FILIP1: variants seen among roughly 807,000 people sequenced by gnomAD.
FILIP1 encodes filamin-A-interacting protein 1.
FILIP1 carries 61 observed loss-of-function variants against 102.1 expected under a neutral mutation model. That is an observed-to-expected ratio of 0.60 (90% CI 0.49 to 0.74). The LOEUF is 0.74. FILIP1 is among the 30% of genes least tolerant of loss of function. The pLI is 0.00. For synonymous variants in FILIP1, 491 were observed against 526.9 expected (o/e 0.93, Z 0.93); for missense variants, 1,314 against 1,441.2 (o/e 0.91, Z 1.43).
intron 1 of FILIP1, among the ~76,000 whole-genome samples, chr6:75,443,578 G>A (rs1280448901): frequency 6.6e-6 from 1 of 152,058 alleles, no homozygotes; most frequent in Non-Finnish European, 1.5e-5. Context: ...TGACCCATTG[G>A]CCATAACCAG....
intron 1 of FILIP1, among the ~76,000 whole-genome samples, chr6:75,492,493 C>G (rs935146299): frequency 6.6e-6 from 1 of 152,056 alleles, no homozygotes; most frequent in African/African-American, 2.4e-5. Context: ...TTACAAACCA[C>G]CAGATGTCAA....
chr6:75,373,353 T>A (rs1775638237), intron 2 of FILIP1, among the ~76,000 whole-genome samples: 1 of 152,230 alleles, frequency 6.6e-6, no homozygotes, highest in Non-Finnish European at 1.5e-5. Context: ...TGGAGATGGA[T>A]GGTGGTGATA....
At chr6:75,317,504 T>C (rs568579085) in intron 4 of FILIP1, among the ~76,000 whole-genome samples, 87 of 152,376 alleles carry the variant, frequency 5.7e-4, no homozygotes, top group African/African-American at 2.0e-3. Flanking sequence ...CAGTGCTTTC[T>C]ATATTTAACC....
chr6:75,328,487 T>TTTTG (rs68125703), intron 4 of FILIP1, among the ~76,000 whole-genome samples: 3 of 151,198 alleles, frequency 2.0e-5, no homozygotes, highest in African/African-American at 4.9e-5. Context: ...GTAATAATGT[T>TTTTG]TTTGTTTGTT....
intron 1 of FILIP1, among the ~76,000 whole-genome samples, chr6:75,449,225 G>A (rs1348350270): frequency 1.3e-5 from 2 of 152,072 alleles, no homozygotes; most frequent in African/African-American, 4.8e-5. Context: ...AAGTAACTCA[G>A]GAATGGAAAA....
At chr6:75,469,850 T>C (rs575661268) in intron 1 of FILIP1, among the ~76,000 whole-genome samples, 1 of 152,050 alleles carries the variant, frequency 6.6e-6, no homozygotes, top group South Asian at 2.1e-4. Flanking sequence ...CAAAGACAAT[T>C]GTGATTATGT....
At chr6:75,387,429 T>C (rs1311987745) in intron 2 of FILIP1, among the ~76,000 whole-genome samples, 2 of 152,196 alleles carry the variant, frequency 1.3e-5, no homozygotes, top group Non-Finnish European at 2.9e-5. Context: ...CTGGGTCAAA[T>C]GGTATTTCTA....
intron 2 of FILIP1, among the ~76,000 whole-genome samples, chr6:75,394,364 A>G (rs1295168968): frequency 6.6e-6 from 1 of 152,174 alleles, no homozygotes; most frequent in East Asian, 1.9e-4. Context: ...GAAATTTTGT[A>G]TAATCTAAGA....
exon 7 of FILIP1, chr6:75,291,884 G>A (rs1772556802): frequency 6.6e-6 from 1 of 152,132 alleles, no homozygotes; most frequent in Non-Finnish European, 1.5e-5. Flanking sequence ...TTAATTTTCT[G>A]AATATTATGT....
At chr6:75,481,886 C>G (rs78092028) in intron 1 of FILIP1, among the ~76,000 whole-genome samples, 3,745 of 152,166 alleles carry the variant, frequency 0.025, 155 homozygotes, top group African/African-American at 0.085. Flanking sequence ...GAAAAAGTGT[C>G]TGGAAAGAGA....
At chr6:75,337,414 G>A (rs1271357756) in intron 4 of FILIP1, among the ~76,000 whole-genome samples, 1 of 152,156 alleles carries the variant, frequency 6.6e-6, no homozygotes, top group Non-Finnish European at 1.5e-5. Flanking sequence ...ATAAGGAAAA[G>A]AGATGTAAAG....
chr6:75,389,630 T>C (rs1776216916), intron 2 of FILIP1, among the ~76,000 whole-genome samples: 1 of 152,216 alleles, frequency 6.6e-6, no homozygotes, highest in African/African-American at 2.4e-5. Flanking sequence ...AATTTATCAA[T>C]TTCCTCTAGA....
intron 4 of FILIP1, among the ~76,000 whole-genome samples, chr6:75,342,510 T>G (rs1321131354): frequency 1.3e-5 from 2 of 152,248 alleles, no homozygotes; most frequent in East Asian, 1.9e-4. Context: ...CTTAGTTAAT[T>G]ACGGGTATGC....
chr6:75,456,131 C>T (rs985342190), intron 1 of FILIP1, among the ~76,000 whole-genome samples: 1 of 152,166 alleles, frequency 6.6e-6, no homozygotes, highest in African/African-American at 2.4e-5. Context: ...GGTTCTCAAT[C>T]AGAGATTTTC....
At chr6:75,338,300 A>T (rs1349425569) in intron 4 of FILIP1, among the ~76,000 whole-genome samples, 1 of 152,232 alleles carries the variant, frequency 6.6e-6, no homozygotes, top group Admixed American at 6.5e-5. Context: ...AAGAGTTCAC[A>T]TCCAAGAGCT....
intron 2 of FILIP1, among the ~76,000 whole-genome samples, chr6:75,369,937 G>C (rs1430841845): frequency 6.6e-6 from 1 of 152,206 alleles, no homozygotes; most frequent in Non-Finnish European, 1.5e-5. Context: ...AGCATAGCCA[G>C]TGGGAAGTTT....
At chr6:75,321,469 A>G (rs1773651344) in intron 4 of FILIP1, among the ~76,000 whole-genome samples, 1 of 152,214 alleles carries the variant, frequency 6.6e-6, no homozygotes, top group Admixed American at 6.5e-5. Flanking sequence ...TTTTATTTCC[A>G]TAATGGAGGT....
chr6:75,371,857 C>A (rs1352536502), intron 2 of FILIP1, among the ~76,000 whole-genome samples: 2 of 152,114 alleles, frequency 1.3e-5, no homozygotes, highest in East Asian at 3.9e-4. Flanking sequence ...CTATAAAACT[C>A]TTAGAAATAG....
intron 1 of FILIP1, among the ~76,000 whole-genome samples, chr6:75,468,551 T>G (rs1390334722): frequency 1.3e-5 from 2 of 152,208 alleles, no homozygotes; most frequent in East Asian, 1.9e-4. Context: ...ACCTGTAATA[T>G]TAATCCAAAC....
Sources: gnomAD v4.1 joint callset for allele counts (sites outside exome capture counted in the v4.1 genomes callset) on GRCh38, gnomAD v4.1.1 for gene constraint, MANE v1.5 for transcripts, NCBI Gene and HGNC (gene_info 2026-07-23, HGNC 2026-07-21) for gene names.